Variants in IFTAP observed in about 807,000 individuals in gnomAD.
The protein encoded by IFTAP is intraflagellar transport associated protein, also known as intraflagellar transport-associated protein.
Under a neutral mutation model 19.4 loss-of-function variants are expected in IFTAP, and 19 were observed. That is an observed-to-expected ratio of 0.98 (90% CI 0.68 to 1.44). The LOEUF is 1.44. IFTAP is among the 40% of genes most tolerant of loss of function. The pLI, the probability that IFTAP is intolerant of heterozygous loss-of-function variation, is 0.00. For synonymous variants in IFTAP, 85 were observed against 83.5 expected (o/e 1.02, Z -0.10); for missense variants, 240 against 253.6 (o/e 0.95, Z 0.36).
intron 2 of IFTAP, among the ~76,000 whole-genome samples, chr11:36,633,004 A>C (rs1565021186): frequency 1.3e-5 from 2 of 151,254 alleles, no homozygotes; most frequent in Non-Finnish European, 2.9e-5. Context: ...AGAGTCTCAC[A>C]AATACTGTAT....
chr11:36,636,354 C>T (rs1001648248), intron 4 of IFTAP, among the ~76,000 whole-genome samples: 6 of 152,308 alleles, frequency 3.9e-5, no homozygotes, highest in Admixed American at 3.3e-4. Flanking sequence ...TCCCCCTTAA[C>T]AATTCATCAC....
At chr11:36,602,526 T>G (rs539804843) in intron 1 of IFTAP, among the ~76,000 whole-genome samples, 1 of 152,318 alleles carries the variant, frequency 6.6e-6, no homozygotes, top group East Asian at 1.9e-4. Flanking sequence ...CTTTTATGAT[T>G]GAAATATTGT....
chr11:36,625,786 T>C (rs1372587756), intron 2 of IFTAP, among the ~76,000 whole-genome samples: 2 of 152,118 alleles, frequency 1.3e-5, no homozygotes, highest in African/African-American at 4.8e-5. Context: ...GTATAGGGAA[T>C]CATGAGTGCT....
intron 2 of IFTAP, among the ~76,000 whole-genome samples, chr11:36,620,340 C>T (rs963986042): frequency 2.0e-5 from 3 of 151,942 alleles, no homozygotes; most frequent in Admixed American, 6.6e-5. Flanking sequence ...TGTTTTTTCT[C>T]TTTGGGGGAA....
chr11:36,642,459 A>T (rs1467642411), intron 4 of IFTAP, among the ~76,000 whole-genome samples: 1 of 152,218 alleles, frequency 6.6e-6, no homozygotes, highest in Non-Finnish European at 1.5e-5. Flanking sequence ...TCCTTCTGAA[A>T]CTATTCCAAT....
chr11:36,610,261 T>C (rs1851832568), intron 2 of IFTAP, 22 bp downstream of exon 2: 3 of 1,575,840 alleles, frequency 1.9e-6, no homozygotes, highest in Admixed American at 1.8e-5. Flanking sequence ...AAGTAAACTT[T>C]CTGCAGCAAT....
chr11:36,652,131 G>A (rs1853764999), intron 5 of IFTAP, among the ~76,000 whole-genome samples: 2 of 151,992 alleles, frequency 1.3e-5, no homozygotes, highest in Admixed American at 6.6e-5. Context: ...GAATCTATAA[G>A]TTACCTTGAG....
chr11:36,613,869 T>C (rs1029678660), intron 2 of IFTAP, among the ~76,000 whole-genome samples: 16 of 152,016 alleles, frequency 1.1e-4, no homozygotes, highest in South Asian at 4.1e-4. Flanking sequence ...TGTAGCCTTG[T>C]TTTAGTAAAG....
chr11:36,627,940 A>G (rs1259624492), intron 2 of IFTAP, among the ~76,000 whole-genome samples: 1 of 151,284 alleles, frequency 6.6e-6, no homozygotes, highest in Non-Finnish European at 1.5e-5. Context: ...TCTGGAGAGG[A>G]AACATAACCA....
intron 5 of IFTAP, among the ~76,000 whole-genome samples, chr11:36,653,551 C>T (rs1457157466): frequency 2.0e-5 from 3 of 152,078 alleles, no homozygotes; most frequent in African/African-American, 4.8e-5. Flanking sequence ...AACTCTAACA[C>T]GAACTGAACT....
intron 4 of IFTAP, among the ~76,000 whole-genome samples, chr11:36,645,107 T>C (rs1853426634): frequency 6.6e-6 from 1 of 152,140 alleles, no homozygotes; most frequent in Non-Finnish European, 1.5e-5. Flanking sequence ...GGCCATTTTA[T>C]GTGGTAACAA....
intron 3 of IFTAP, among the ~76,000 whole-genome samples, chr11:36,635,061 A>G (rs1852884325): frequency 2.6e-5 from 4 of 152,184 alleles, no homozygotes; most frequent in Admixed American, 2.6e-4. Flanking sequence ...TAATAACTGC[A>G]GGTATGTACT....
intron 5 of IFTAP, among the ~76,000 whole-genome samples, chr11:36,656,919 C>A (rs1283689069): frequency 6.6e-6 from 1 of 151,960 alleles, no homozygotes. Context: ...TGTATTCTAA[C>A]CCCTAAGTGA....
chr11:36,616,196 A>G (rs557725923), intron 2 of IFTAP, among the ~76,000 whole-genome samples: 6 of 151,958 alleles, frequency 3.9e-5, no homozygotes, highest in Non-Finnish European at 8.8e-5. Flanking sequence ...GTGATTCTAG[A>G]GTTTTTATAT....
chr11:36,656,687 C>G (rs926839480), intron 5 of IFTAP, among the ~76,000 whole-genome samples: 19 of 152,142 alleles, frequency 1.2e-4, no homozygotes, highest in African/African-American at 4.3e-4. Context: ...CATTCCTATA[C>G]TTTTGTCTTC....
chr11:36,625,344 A>T (rs936197851), intron 2 of IFTAP, among the ~76,000 whole-genome samples: 1 of 152,168 alleles, frequency 6.6e-6, no homozygotes, highest in Non-Finnish European at 1.5e-5. Context: ...CAGCAAATTT[A>T]TTATAATTAT....
At chr11:36,609,163 G>C (rs1851791296) in intron 1 of IFTAP, among the ~76,000 whole-genome samples, 2 of 152,176 alleles carry the variant, frequency 1.3e-5, no homozygotes, top group African/African-American at 4.8e-5. Context: ...GATAAATTAA[G>C]ATTAACTCTT....
chr11:36,610,048 A>T, intron 1 of IFTAP, 33 bp from the exon 2 acceptor site: 12 of 1,555,064 alleles, frequency 7.7e-6, no homozygotes, highest in Non-Finnish European at 1.1e-5. Flanking sequence ...GTATTGCCTG[A>T]TTCTCTCTAG....
At chr11:36,642,977 C>T (rs1315103988) in intron 4 of IFTAP, among the ~76,000 whole-genome samples, 4 of 152,104 alleles carry the variant, frequency 2.6e-5, no homozygotes, top group African/African-American at 9.7e-5. Flanking sequence ...TCACCACTCC[C>T]ATTCAACATA....
Sources: gnomAD v4.1 joint callset for allele counts (sites outside exome capture counted in the v4.1 genomes callset) on GRCh38, gnomAD v4.1.1 for gene constraint, MANE v1.5 for transcripts, NCBI Gene and HGNC (gene_info 2026-07-23, HGNC 2026-07-21) for gene names.